Variants in MAGI1 observed in about 807,000 individuals in gnomAD.
MAGI1 encodes membrane-associated guanylate kinase, WW and PDZ domain-containing protein 1.
In MAGI1, 58 loss-of-function variants were observed where a neutral mutation model predicts 139.9. The observed-to-expected ratio is 0.41, with a 90% CI of 0.34 to 0.52. MAGI1 has a LOEUF of 0.52. Ranked by LOEUF, MAGI1 falls within the 20% of genes least tolerant of loss-of-function variation. The probability of loss-of-function intolerance (pLI) is 0.12; values close to 1 mark genes in which losing one functional copy is unlikely to be tolerated. For synonymous variants in MAGI1, 812 were observed against 737.9 expected, an observed-to-expected ratio of 1.10 and a Z score of -1.63; for missense variants, 1,874 against 1,901.6, an observed-to-expected ratio of 0.99 and a Z score of 0.27.
At position 65,361,112 on chromosome 3, in the gene MAGI1, C is replaced by CA. The variant is rs1229768617; in HGVS notation, c.3634+86dup. The CA allele has an allele frequency of 2.5e-6, 4 of 1,612,080 alleles. No individual in the cohort carries two copies. The African/African-American group carries it at 5.3e-5, about 22-fold the overall frequency. On this transcript the variant is annotated intron_variant, in intron 22 of 22. Transcript: ENST00000402939. ...GTAAGACACTGGTGAATAGGGGAAA[C>CA]AAAAAAGACTTTCCTGCTGCCGTTC... is the stretch of plus-strand genomic sequence containing the variant.
intron 1 of MAGI1, among the ~76,000 whole-genome samples, chr3:66,009,510 C>G (rs933333563): frequency 1.3e-5 from 2 of 151,746 alleles, no homozygotes; most frequent in African/African-American, 4.8e-5. Context: ...AACTCTGCCT[C>G]AAAATAAAAA....
At chr3:65,491,315 T>C (rs1264759544) in intron 3 of MAGI1, among the ~76,000 whole-genome samples, 1 of 152,152 alleles carries the variant, frequency 6.6e-6, no homozygotes, top group Non-Finnish European at 1.5e-5. Flanking sequence ...GCCGCCTCTG[T>C]TGCAATGATA....
intron 1 of MAGI1, among the ~76,000 whole-genome samples, chr3:65,740,333 C>G (rs1181360754): frequency 6.6e-6 from 1 of 152,148 alleles, no homozygotes; most frequent in Admixed American, 6.5e-5. Context: ...TCCCACAAAT[C>G]CTAGGAGGTT....
At chr3:66,030,472 T>C (rs2068530091) in intron 1 of MAGI1, among the ~76,000 whole-genome samples, 1 of 152,198 alleles carries the variant, frequency 6.6e-6, no homozygotes, top group Non-Finnish European at 1.5e-5. Context: ...AGAGCTTACA[T>C]TCTAGAGAAA....
chr3:66,018,122 G>GC lies in MAGI1; in HGVS notation c.313+19873_313+19874insG, dbSNP rs2067763354. ...AGGAAGGACACTTTGGTGGGGGGGG[G>GC]GGGTGTCTGCACATGCCCATTTAAT... is the stretch of plus-strand genomic sequence containing the variant. On this transcript the variant is annotated intron_variant, in intron 1 of 22. Transcript: ENST00000402939. 2.2e-5 allele frequency among the ~76,000 whole-genome samples: 3 copies of GC among 135,322 alleles called. No homozygotes were observed. In the South Asian group the frequency reaches 8.1e-4, roughly 36 times the overall value. 88.8% of individuals were successfully genotyped at this position (135,322 alleles called of 152,430 possible).
intron 1 of MAGI1, among the ~76,000 whole-genome samples, chr3:66,013,234 T>C (rs1232918935): frequency 6.6e-6 from 1 of 151,210 alleles, no homozygotes; most frequent in Non-Finnish European, 1.5e-5. Flanking sequence ...AGAAACCCCA[T>C]CTCTACTAAA....
chr3:65,957,715 T>C (rs773935995), intron 1 of MAGI1, among the ~76,000 whole-genome samples: 1 of 152,086 alleles, frequency 6.6e-6, no homozygotes, highest in Non-Finnish European at 1.5e-5. Flanking sequence ...GGAGCGAGCC[T>C]ACCCGGGGGC....
chr3:65,904,211 T>C (rs1363422603), intron 1 of MAGI1, among the ~76,000 whole-genome samples: 2 of 152,274 alleles, frequency 1.3e-5, no homozygotes, highest in East Asian at 3.9e-4. Flanking sequence ...TTTCACAAAA[T>C]ATGCAGCAAG....
chr3:65,656,247 A>C (rs1239341506), intron 1 of MAGI1, among the ~76,000 whole-genome samples: 1 of 152,204 alleles, frequency 6.6e-6, no homozygotes, highest in African/African-American at 2.4e-5. Flanking sequence ...AGAAGTTAGA[A>C]AACTTGCATC....
chr3:65,910,854 A>ATTTTTTTTTTT (rs1560003976), intron 1 of MAGI1, among the ~76,000 whole-genome samples: 62 of 11,854 alleles, frequency 5.2e-3, no homozygotes, highest in South Asian at 9.5e-3. Context: ...GACATGGTGG[A>ATTTTTTTTTTT]CTTTTTTTTT....
chr3:65,751,325 A>G (rs1224783096), intron 1 of MAGI1, among the ~76,000 whole-genome samples: 3 of 150,950 alleles, frequency 2.0e-5, no homozygotes, highest in Non-Finnish European at 2.9e-5. Context: ...TGACAGAAAG[A>G]GCCTGAGAAA....
intron 1 of MAGI1, among the ~76,000 whole-genome samples, chr3:66,004,331 G>T (rs544741830): frequency 1.3e-5 from 2 of 152,152 alleles, no homozygotes; most frequent in Non-Finnish European, 2.9e-5. Flanking sequence ...TGGAATATCC[G>T]GAGGCATCTT....
At chr3:65,618,402 T>A (rs1208569904) in intron 2 of MAGI1, among the ~76,000 whole-genome samples, 3 of 152,162 alleles carry the variant, frequency 2.0e-5, no homozygotes, top group African/African-American at 4.8e-5. Flanking sequence ...TTTTTTTGAA[T>A]CTGAATAATC....
chr3:65,449,737 C>A (rs1948909333), intron 6 of MAGI1, among the ~76,000 whole-genome samples: 1 of 152,058 alleles, frequency 6.6e-6, no homozygotes, highest in Non-Finnish European at 1.5e-5. Flanking sequence ...ATCATGCCAC[C>A]ACACTCCAGC....
chr3:65,400,419 G>C (rs1944767458), intron 13 of MAGI1, among the ~76,000 whole-genome samples: 1 of 152,154 alleles, frequency 6.6e-6, no homozygotes, highest in South Asian at 2.1e-4. Context: ...TTCAGCTGCA[G>C]CGCCGTAAGC....
At chr3:65,565,856 CAAAAAAAA>C (rs766254957) in intron 2 of MAGI1, among the ~76,000 whole-genome samples, 2 of 93,932 alleles carry the variant, frequency 2.1e-5, no homozygotes, top group Non-Finnish European at 4.1e-5. Context: ...GACTCCGTGT[CAAAAAAAA>C]AAAAAAAAAA....
At chr3:66,030,868 TAA>T (rs898509317) in intron 1 of MAGI1, among the ~76,000 whole-genome samples, 3 of 152,328 alleles carry the variant, frequency 2.0e-5, no homozygotes, top group African/African-American at 7.2e-5. Context: ...TATTTAATCA[TAA>T]AAGACACTGC....
chr3:65,434,413 C>A (rs1041389229), intron 10 of MAGI1, among the ~76,000 whole-genome samples: 1 of 152,184 alleles, frequency 6.6e-6, no homozygotes, highest in Non-Finnish European at 1.5e-5. Flanking sequence ...TCTCTCCAAG[C>A]ATAAGCTTGA....
intron 1 of MAGI1, among the ~76,000 whole-genome samples, chr3:65,644,804 CTGGCCAACT>C (rs1291585410): frequency 6.6e-6 from 1 of 151,946 alleles, no homozygotes; most frequent in Non-Finnish European, 1.5e-5. Flanking sequence ...CAAGACCAGC[CTGGCCAACT>C]TGGCAAAACT....
Sources: gnomAD v4.1 joint callset for allele counts (sites outside exome capture counted in the v4.1 genomes callset) on GRCh38, gnomAD v4.1.1 for gene constraint, MANE v1.5 for transcripts, NCBI Gene and HGNC (gene_info 2026-07-23, HGNC 2026-07-21) for gene names.